Variants in ATP8A1 observed in about 807,000 individuals in gnomAD.
The protein encoded by ATP8A1 is ATPase phospholipid transporting 8A1.
ATP8A1 carries 90 observed loss-of-function variants against 177.7 expected under a neutral mutation model. That is an observed-to-expected ratio of 0.51 (90% CI 0.43 to 0.60). The LOEUF is 0.60. ATP8A1 is among the 20% of genes least tolerant of loss of function. ATP8A1 has a pLI of 0.00. For synonymous variants in ATP8A1, 493 were observed against 485.9 expected, an observed-to-expected ratio of 1.01 and a Z score of -0.19; for missense variants, 1,072 against 1,392.8, an observed-to-expected ratio of 0.77 and a Z score of 3.67.
intron 35 of ATP8A1, among the ~76,000 whole-genome samples, chr4:42,421,242 T>C (rs531328618): frequency 5.3e-5 from 8 of 152,192 alleles, no homozygotes; most frequent in South Asian, 4.1e-4. Flanking sequence ...GTAGGTATTA[T>C]CATTCCCATC....
In ATP8A1 at chr4:42,503,449, C is replaced by T. The variant is rs1480263144; in HGVS notation, c.2151+1G>A. 6.3e-6 allele frequency: 10 copies of T among 1,583,526 alleles called. No homozygotes were observed. Among genetic ancestry groups the T allele is most frequent in the Non-Finnish European group, 8.7e-6 (10 of 1,154,848 alleles). ...TTTTAAAAATACATAATTTTACTTA[C>T]ATCAAGAGAGCCTTCATTTATAACA... On this transcript the variant is annotated splice_donor_variant, in intron 24 of 36. Transcript: ENST00000381668. LOFTEE classifies it high-confidence loss of function.
chr4:42,476,382 GCTGAGT>G (rs1434264854), intron 25 of ATP8A1, among the ~76,000 whole-genome samples: 3 of 152,262 alleles, frequency 2.0e-5, no homozygotes, highest in Non-Finnish European at 2.9e-5. Context: ...GGAGGCTGAG[GCTGAGT>G]CGGGCGGATC....
chr4:42,603,169 C>G (rs1424532560), intron 5 of ATP8A1, among the ~76,000 whole-genome samples: 1 of 152,156 alleles, frequency 6.6e-6, no homozygotes, highest in Non-Finnish European at 1.5e-5. Flanking sequence ...AACACACTAT[C>G]TTCCTGGAAT....
At chr4:42,471,931 A>G in intron 25 of ATP8A1, 1 of 659,748 alleles carries the variant, frequency 1.5e-6, no homozygotes, top group South Asian at 1.4e-5. Flanking sequence ...GGCTCAGCTC[A>G]GGAAGCTGAG....
At chr4:42,651,653 G>A (rs772212834) in intron 1 of ATP8A1, among the ~76,000 whole-genome samples, 17 of 152,192 alleles carry the variant, frequency 1.1e-4, no homozygotes, top group Non-Finnish European at 2.2e-4. Flanking sequence ...TTTGTGTGGT[G>A]CTTTCTGAAA....
intron 33 of ATP8A1, among the ~76,000 whole-genome samples, chr4:42,437,367 A>G (rs1015709153): frequency 6.6e-6 from 1 of 152,206 alleles, no homozygotes; most frequent in Non-Finnish European, 1.5e-5. Flanking sequence ...ATAACATAGC[A>G]CTTTTCCCCA....
At chr4:42,460,250 G>A (rs949697132) in intron 27 of ATP8A1, among the ~76,000 whole-genome samples, 11 of 152,124 alleles carry the variant, frequency 7.2e-5, no homozygotes, top group African/African-American at 2.7e-4. Flanking sequence ...TTCTGACAGA[G>A]GCACAAAGAA....
intron 20 of ATP8A1, among the ~76,000 whole-genome samples, chr4:42,534,802 C>T (rs1727614083): frequency 6.6e-6 from 1 of 152,000 alleles, no homozygotes; most frequent in Non-Finnish European, 1.5e-5. Flanking sequence ...ATCAGATTAA[C>T]AGCAGATTTC....
Position 42,551,190 on chromosome 4 carries a change from T to C in ATP8A1, c.1602+8A>G, listed in dbSNP as rs1269558492. 6.2e-7 allele frequency: 1 copy of C among 1,608,144 alleles called. No individual in the cohort carries two copies. The highest frequency in any genetic ancestry group is 1.1e-5 in the South Asian group (1 of 90,914). On this transcript the variant is annotated splice_region_variant and intron_variant, in intron 18 of 36. Transcript: ENST00000381668. ...GATTAAAAAGAACCTTAAAAACAACTAACTTACTGAATCTATAATCACCGA... is the reference window on the plus strand; with the variant it reads ...GATTAAAAAGAACCTTAAAAACAACCAACTTACTGAATCTATAATCACCGA...
intron 33 of ATP8A1, among the ~76,000 whole-genome samples, chr4:42,441,745 G>T (rs926264474): frequency 6.6e-6 from 1 of 152,130 alleles, no homozygotes; most frequent in Non-Finnish European, 1.5e-5. Flanking sequence ...TTCTTCTTTT[G>T]TTTGAATAAA....
Position 42,412,972 on chromosome 4 carries a change from G to A in ATP8A1, c.3439C>T (p.Gln1147Ter), listed in dbSNP as rs111511494. ...FSQDENGIVS[Q>*]SEVIRAYDTT... is the part of the protein sequence containing the mutation. Reference sequence around the variant, plus strand: ...TCATATGCTCTTATCACTTCAGACTGTGAAACGATTCCATTTTCATCTTGA... The same window carrying A: ...TCATATGCTCTTATCACTTCAGACTATGAAACGATTCCATTTTCATCTTGA... The change falls in exon 37 of 37, where the codon CAG becomes TAG. Residue 1147 changes from glutamine (Q) to a stop codon, truncating the protein, a stop_gained. Transcript: ENST00000381668. LOFTEE classifies it high-confidence loss of function. 6.2e-7 allele frequency: 1 copy of A among 1,613,498 alleles called. No individual in the cohort carries two copies. Among genetic ancestry groups the A allele is most frequent in the Non-Finnish European group, 8.5e-7 (1 of 1,179,598 alleles).
chr4:42,586,242 C>T, intron 9 of ATP8A1, 107 bp downstream of exon 9: 1 of 1,352,668 alleles, frequency 7.4e-7, no homozygotes, highest in Non-Finnish European at 1.0e-6. Flanking sequence ...GTTTTGAGGA[C>T]TCAAACTTAG....
chr4:42,606,777 T>A (rs919616623), intron 5 of ATP8A1, among the ~76,000 whole-genome samples: 1 of 152,204 alleles, frequency 6.6e-6, no homozygotes, highest in African/African-American at 2.4e-5. Context: ...TATATTCACA[T>A]GATTGTACCC....
Position 42,411,590 on chromosome 4 carries a change from A to C in ATP8A1, c.*1326T>G, listed in dbSNP as rs978385169. 6.6e-6 allele frequency: 1 copy of C among 152,230 alleles called. No homozygotes were observed. The highest frequency in any genetic ancestry group is 1.5e-5 in the Non-Finnish European group (1 of 68,046). 9.4% of individuals were successfully genotyped at this position (152,230 alleles called of 1,614,324 possible). Reference sequence around the variant, plus strand: ...AGCCCCTTCATTTACTGTTGGTAGCAAAATAGCCATTTTCAGATGTCTTGT... The same window carrying C: ...AGCCCCTTCATTTACTGTTGGTAGCCAAATAGCCATTTTCAGATGTCTTGT... On this transcript the variant is annotated 3_prime_UTR_variant, in exon 37 of 37. Coordinates refer to ENST00000381668, the MANE Select transcript of ATP8A1 (RefSeq NM_006095.2).
chr4:42,596,164 A>G (rs1179358059), intron 6 of ATP8A1, among the ~76,000 whole-genome samples: 1 of 152,208 alleles, frequency 6.6e-6, no homozygotes, highest in Non-Finnish European at 1.5e-5. Context: ...CCAAGAGAAG[A>G]AAAAGTCAAG....
At chr4:42,626,498 T>C (rs1468667261) in intron 2 of ATP8A1, 1 of 155,968 alleles carries the variant, frequency 6.4e-6, no homozygotes, top group Non-Finnish European at 1.4e-5. Context: ...ACAGATACTT[T>C]TTACATTATT....
intron 16 of ATP8A1, 34 bp downstream of exon 16, chr4:42,555,934 A>G (rs201771591): frequency 3.8e-5 from 55 of 1,443,430 alleles, no homozygotes; most frequent in Non-Finnish European, 4.9e-5. Flanking sequence ...GTTTTTATTC[A>G]CTAACAAAAA....
chr4:42,489,923 C>G (rs888063748), intron 24 of ATP8A1, among the ~76,000 whole-genome samples: 8 of 151,976 alleles, frequency 5.3e-5, no homozygotes, highest in African/African-American at 1.9e-4. Context: ...GATCAAAGAC[C>G]ACAGGCTCAA....
intron 23 of ATP8A1, 82 bp from the exon 24 acceptor site, chr4:42,503,596 A>C: frequency 1.1e-6 from 1 of 893,156 alleles, no homozygotes; most frequent in Admixed American, 2.7e-5. Context: ...TGTACTATGA[A>C]AATATCTAAA....
Sources: allele counts gnomAD v4.1 joint callset (sites outside exome capture counted in the v4.1 genomes callset), GRCh38; gene constraint gnomAD v4.1.1; transcripts MANE v1.5; gene names NCBI Gene and HGNC (gene_info 2026-07-23, HGNC 2026-07-21).